Variants in CSMD1 observed in about 807,000 individuals in gnomAD.
CSMD1 encodes the protein CUB and sushi domain-containing protein 1.
In CSMD1, 213 loss-of-function variants were observed where a neutral mutation model predicts 417.5. The ratio of observed to expected loss-of-function variants is 0.51; its 90% CI spans 0.46 to 0.57. The LOEUF is 0.57. Ranked by LOEUF, CSMD1 falls within the 20% of genes least tolerant of loss-of-function variation. The pLI is 0.00. For missense variants in CSMD1, 6,923 were observed against 4,529.7 expected (o/e 1.53, Z -15.17); for synonymous variants, 2,862 against 1,736.8 (o/e 1.65, Z -16.11).
intron 5 of CSMD1, among the ~76,000 whole-genome samples, chr8:3,858,666 A>C (rs1439040782): frequency 7.8e-6 from 1 of 128,828 alleles, no homozygotes; most frequent in Non-Finnish European, 1.6e-5. Context: ...TATAATCTTC[A>C]GGAGAACTTT....
intron 3 of CSMD1, among the ~76,000 whole-genome samples, chr8:4,413,427 G>A (rs1796755543): frequency 6.6e-6 from 1 of 152,018 alleles, no homozygotes; most frequent in South Asian, 2.1e-4. Context: ...GTTTCTTTAG[G>A]GCAGTTCAGC....
At chr8:3,167,291 G>GAAAAGAAAAAAAAA (rs547453018) in intron 37 of CSMD1, among the ~76,000 whole-genome samples, 3 of 102,644 alleles carry the variant, frequency 2.9e-5, no homozygotes, top group South Asian at 3.2e-4. Context: ...CTTGGAAAAA[G>GAAAAGAAAAAAAAA]AAAAAAAAAA....
At position 3,359,101 on chromosome 8, in the gene CSMD1, G is replaced by A. The variant is rs1028310343; in HGVS notation, c.3304+51C>T. ...CGACCACCCTAGGCTTCTTGCCTGG[G>A]CTAGACCCTGCCCCCATGGATGAAT... On this transcript the variant is annotated intron_variant, in intron 21 of 69. Coordinates refer to ENST00000635120, the MANE Select transcript of CSMD1 (RefSeq NM_033225.6). 2.8e-5 allele frequency: 44 copies of A among 1,582,314 alleles called. No individual in the cohort carries two copies. The African/African-American group carries it at 5.9e-4, about 21-fold the overall frequency.
At chr8:4,731,277 G>A (rs550809516) in intron 1 of CSMD1, among the ~76,000 whole-genome samples, 4 of 152,250 alleles carry the variant, frequency 2.6e-5, no homozygotes, top group African/African-American at 7.2e-5. Context: ...CTTGGTTAGA[G>A]GCCACCTTCC....
chr8:3,249,647 T>C (rs939950436), intron 26 of CSMD1, among the ~76,000 whole-genome samples: 1 of 152,224 alleles, frequency 6.6e-6, no homozygotes, highest in Non-Finnish European at 1.5e-5. Context: ...AACATGTAAT[T>C]AAAACATTGA....
rs1010158682 is a variant in CSMD1 at position 3,708,293 on chromosome 8, T to C, written c.1009+121A>G. The C allele has an allele frequency of 8.1e-6, 6 of 743,390 alleles. No individual in the cohort carries two copies. In the African/African-American group the frequency reaches 8.8e-5, roughly 11 times the overall value. 46.0% of individuals were successfully genotyped at this position (743,390 alleles called of 1,614,324 possible). A position where few individuals can be genotyped will look rare whatever the true frequency, so the allele number is the denominator to read the frequency against. On this transcript the variant is annotated intron_variant, in intron 7 of 69. Transcript: ENST00000635120. ...TTCTCCCAGAAAATACTTTTGGATA[T>C]AGAAAAGAAGGAAGAGATAACGTGG...
At chr8:4,209,011 C>G (rs1424082124) in intron 3 of CSMD1, among the ~76,000 whole-genome samples, 1 of 152,168 alleles carries the variant, frequency 6.6e-6, no homozygotes, top group African/African-American at 2.4e-5. Context: ...ATGCCGTGAA[C>G]CATAATGAAT....
At chr8:3,385,937 C>A (rs868778798) in intron 18 of CSMD1, among the ~76,000 whole-genome samples, 41 of 152,150 alleles carry the variant, frequency 2.7e-4, no homozygotes, top group Middle Eastern at 6.8e-3. Context: ...GTAATTTCTG[C>A]CACCATCTGT....
intron 1 of CSMD1, among the ~76,000 whole-genome samples, chr8:4,896,442 G>A (rs957297057): frequency 6.6e-6 from 1 of 152,002 alleles, no homozygotes; most frequent in South Asian, 2.1e-4. Flanking sequence ...TTGTTATGGA[G>A]CATCTACCAG....
chr8:3,918,908 G>A (rs1014807764), intron 5 of CSMD1, among the ~76,000 whole-genome samples: 1 of 150,328 alleles, frequency 6.7e-6, no homozygotes, highest in African/African-American at 2.4e-5. Flanking sequence ...AAGGATAAAA[G>A]ACTACAAACT....
At chr8:3,945,721 C>G (rs561667239) in intron 5 of CSMD1, among the ~76,000 whole-genome samples, 28 of 152,144 alleles carry the variant, frequency 1.8e-4, no homozygotes, top group Middle Eastern at 3.4e-3. Flanking sequence ...ATTTCCTTAC[C>G]TTAGGTTACT....
chr8:3,554,834 A>G (rs1799073418), intron 10 of CSMD1, among the ~76,000 whole-genome samples: 1 of 152,152 alleles, frequency 6.6e-6, no homozygotes, highest in Non-Finnish European at 1.5e-5. Flanking sequence ...TGGGCAGGCC[A>G]AGAGTGCTGT....
Position 3,110,348 on chromosome 8 carries a change from C to G in CSMD1, c.6431-13G>C. 6.3e-7 allele frequency: 1 copy of G among 1,582,790 alleles called. No homozygotes were observed. The highest frequency in any genetic ancestry group is 8.6e-7 in the Non-Finnish European group (1 of 1,165,324). On this transcript the variant is annotated splice_polypyrimidine_tract_variant and intron_variant, in intron 42 of 69. Transcript: ENST00000635120. ...TACCCACAAGGGGCTGCAAAGGAAA[C>G]CAAGAAAAAACAAGCGCCATACAGC...
chr8:4,799,866 A>T (rs759139763), intron 1 of CSMD1, among the ~76,000 whole-genome samples: 10 of 152,150 alleles, frequency 6.6e-5, no homozygotes, highest in Non-Finnish European at 1.2e-4. Flanking sequence ...CCTGTGTAAG[A>T]AAGTACTCAA....
At chr8:4,288,660 A>G (rs555082009) in intron 3 of CSMD1, among the ~76,000 whole-genome samples, 63 of 152,236 alleles carry the variant, frequency 4.1e-4, no homozygotes, top group African/African-American at 1.4e-3. Context: ...CTCCCCAATA[A>G]AATTCCTTTT....
At chr8:4,796,667 AC>A (rs988139632) in intron 1 of CSMD1, among the ~76,000 whole-genome samples, 3 of 152,178 alleles carry the variant, frequency 2.0e-5, no homozygotes, top group African/African-American at 7.2e-5. Context: ...CAAATGAGCA[AC>A]CAACTCAACG....
chr8:4,698,777 T>C (rs1483182116), intron 1 of CSMD1, among the ~76,000 whole-genome samples: 1 of 151,634 alleles, frequency 6.6e-6, no homozygotes, highest in Non-Finnish European at 1.5e-5. Context: ...AATTCCACCA[T>C]ATAAAAACAA....
intron 1 of CSMD1, among the ~76,000 whole-genome samples, chr8:4,745,161 T>C (rs1203967859): frequency 6.6e-6 from 1 of 152,196 alleles, no homozygotes; most frequent in Non-Finnish European, 1.5e-5. Flanking sequence ...ATTTATCTTA[T>C]GTAGGTAAGT....
At chr8:3,504,023 G>C (rs972580739) in intron 10 of CSMD1, among the ~76,000 whole-genome samples, 1 of 152,086 alleles carries the variant, frequency 6.6e-6, no homozygotes, top group South Asian at 2.1e-4. Context: ...TCCAGTGTTC[G>C]ACAGCACTGC....
Sources: allele counts gnomAD v4.1 joint callset (sites outside exome capture counted in the v4.1 genomes callset), GRCh38; gene constraint gnomAD v4.1.1; transcripts MANE v1.5; gene names NCBI Gene and HGNC (gene_info 2026-07-23, HGNC 2026-07-21).